The following CD38 variants were observed in gnomAD, a reference collection of about 807,000 sequenced individuals.
The protein encoded by CD38 is ADP-ribosyl cyclase/cyclic ADP-ribose hydrolase 1.
CD38 carries 31 observed loss-of-function variants against 36.3 expected under a neutral mutation model. The ratio of observed to expected loss-of-function variants is 0.85; its 90% CI spans 0.64 to 1.15. The LOEUF is 1.15. Ranked by LOEUF, CD38 falls within the 50% of genes most tolerant of loss-of-function variation. The pLI, the probability that CD38 is intolerant of heterozygous loss-of-function variation, is 0.00. For synonymous variants in CD38, 131 were observed against 135.2 expected (o/e 0.97, Z 0.22); for missense variants, 380 against 371.9 (o/e 1.02, Z -0.18).
In CD38 at chr4:15,848,929, C is replaced by T; in HGVS notation, c.*327C>T. On this transcript the variant is annotated 3_prime_UTR_variant, in exon 8 of 8. Coordinates refer to ENST00000226279, the MANE Select transcript of CD38 (RefSeq NM_001775.4). ...CATCCTTTCTATTGAAAAATCACCA[C>T]ACCAAACCTCTCTTATTAGAACAGG... The T allele has an allele frequency of 5.3e-6, 1 of 188,392 alleles. No individual in the cohort carries two copies. The highest frequency in any genetic ancestry group is 1.1e-5 in the Non-Finnish European group (1 of 91,510). The allele number at this position is 188,392 out of a possible 1,614,324, so 11.7% of individuals were successfully genotyped here.
At chr4:15,804,322 G>A (rs376769701) in intron 1 of CD38, among the ~76,000 whole-genome samples, 4 of 152,160 alleles carry the variant, frequency 2.6e-5, no homozygotes, top group African/African-American at 9.7e-5. Flanking sequence ...CACATTGTTG[G>A]TAGGAATGTA....
At chr4:15,836,150 G>T (rs1724065972) in intron 4 of CD38, among the ~76,000 whole-genome samples, 1 of 152,192 alleles carries the variant, frequency 6.6e-6, no homozygotes, top group African/African-American at 2.4e-5. Flanking sequence ...CTGAGACTTG[G>T]TAATTTTTTT....
rs1035959250 is a variant in CD38 at position 15,782,753 on chromosome 4, T to C, written c.233+4106T>C. ...TAGGTCCTTAGTATTTCTTTAGAGG[T>C]TGTAGCACTTTATCTTCCTCACTGT... On this transcript the variant is annotated intron_variant, in intron 1 of 7. Transcript: ENST00000226279. Among the ~76,000 whole-genome samples, 3 of 152,188 alleles carry C rather than the reference T, an allele frequency of 2.0e-5. No individual in the cohort carries two copies. The South Asian group carries it at 6.2e-4, about 32-fold the overall frequency.
intron 1 of CD38, among the ~76,000 whole-genome samples, chr4:15,799,751 C>T (rs1030883954): frequency 1.3e-5 from 2 of 152,186 alleles, no homozygotes; most frequent in South Asian, 2.1e-4. Context: ...TCCTCTTGGA[C>T]AAACACTGCC....
At chr4:15,785,469 T>G (rs1722794476) in intron 1 of CD38, among the ~76,000 whole-genome samples, 1 of 152,148 alleles carries the variant, frequency 6.6e-6, no homozygotes, top group Admixed American at 6.5e-5. Flanking sequence ...AACACACACT[T>G]GCTCCTTGTT....
intron 2 of CD38, among the ~76,000 whole-genome samples, chr4:15,823,325 G>A (rs1723779705): frequency 1.3e-5 from 2 of 152,168 alleles, no homozygotes; most frequent in East Asian, 1.9e-4. Flanking sequence ...TGACAAATGG[G>A]ATCTAATTAA....
In CD38 at chr4:15,848,558, T is replaced by A. The variant is rs765977739; in HGVS notation, c.859T>A (p.Cys287Ser). Reference sequence around the variant, plus strand: ...TCATAGACCTGACAAGTTTCTTCAGTGTGTGAAAAATCCTGAGGATTCATC... The same window carrying A: ...TCATAGACCTGACAAGTTTCTTCAGAGTGTGAAAAATCCTGAGGATTCATC... ...NIYRPDKFLQ[C>S]VKNPEDSSCT... Residue 287 changes from cysteine (C) to serine (S), a missense_variant, in exon 8 of 8, where the codon TGT becomes AGT. Coordinates refer to ENST00000226279, the MANE Select transcript of CD38 (RefSeq NM_001775.4). 1 of 1,613,846 alleles carries A rather than the reference T, an allele frequency of 6.2e-7. No individual in the cohort carries two copies. Among genetic ancestry groups the A allele is most frequent in the Admixed American group, 1.7e-5 (1 of 60,014 alleles).
intron 2 of CD38, 135 bp downstream of exon 2, chr4:15,816,775 T>A (rs754577514): frequency 1.0e-6 from 1 of 963,630 alleles, no homozygotes; most frequent in Admixed American, 1.8e-5. Flanking sequence ...TTGGTAGGAA[T>A]GGAATTTGCA....
At chr4:15,808,999 G>A (rs1425443030) in intron 1 of CD38, among the ~76,000 whole-genome samples, 1 of 152,176 alleles carries the variant, frequency 6.6e-6, no homozygotes, top group Non-Finnish European at 1.5e-5. Flanking sequence ...TTCTGGCTGG[G>A]ATATTCTAGT....
chr4:15,825,650 T>C (rs1723831007), intron 3 of CD38: 1 of 152,366 alleles, frequency 6.6e-6, no homozygotes, highest in Non-Finnish European at 1.5e-5. Flanking sequence ...GGATTGCCCA[T>C]GCTCCCTAAT....
intron 7 of CD38, among the ~76,000 whole-genome samples, chr4:15,840,810 T>C (rs759516396): frequency 1.3e-5 from 2 of 152,218 alleles, no homozygotes; most frequent in Admixed American, 1.3e-4. Context: ...CAACCTTTGA[T>C]GGCATATTTT....
intron 1 of CD38, among the ~76,000 whole-genome samples, chr4:15,790,509 G>A (rs1380925159): frequency 2.0e-5 from 3 of 152,182 alleles, no homozygotes; most frequent in East Asian, 1.9e-4. Flanking sequence ...GTGCAGTGGC[G>A]TGATCTCGGC....
intron 3 of CD38, 120 bp downstream of exon 3, chr4:15,825,136 A>G (rs1723821176): frequency 1.1e-6 from 1 of 876,454 alleles, no homozygotes; most frequent in Non-Finnish European, 1.7e-6. Context: ...TCCTGATGCC[A>G]TCTATACTTA....
At chr4:15,790,458 G>A (rs1293671661) in intron 1 of CD38, among the ~76,000 whole-genome samples, 4 of 151,998 alleles carry the variant, frequency 2.6e-5, no homozygotes, top group African/African-American at 9.7e-5. Flanking sequence ...GATTGCGGAC[G>A]GAGTCTCGTT....
intron 4 of CD38, among the ~76,000 whole-genome samples, chr4:15,835,808 G>A (rs954029470): frequency 1.3e-5 from 2 of 152,114 alleles, no homozygotes; most frequent in African/African-American, 4.8e-5. Flanking sequence ...CACTGCACCT[G>A]GCCAGGAATA....
rs1383447150 is a variant in CD38 at position 15,842,071 on chromosome 4, G to A, written c.839+1533G>A. ...GTGGAGCCCACCACAGCTCAAGGAG[G>A]CCTGCCTGCCTCTGTAGGCTCCACC... On this transcript the variant is annotated intron_variant, in intron 7 of 7. Transcript: ENST00000226279. Among the ~76,000 whole-genome samples the A allele has an allele frequency of 1.3e-4, 17 of 133,734 alleles. No homozygotes were observed. The East Asian group carries it at 2.9e-3, about 23-fold the overall frequency. The allele number at this position is 133,734 out of a possible 152,430, so 87.7% of individuals were successfully genotyped here.
At chr4:15,839,074 C>A (rs1724139940) in intron 5 of CD38, among the ~76,000 whole-genome samples, 1 of 152,106 alleles carries the variant, frequency 6.6e-6, no homozygotes, top group African/African-American at 2.4e-5. Context: ...TATTAATTTG[C>A]CTTATAAACT....
chr4:15,786,522 A>G (rs1722835658), intron 1 of CD38, among the ~76,000 whole-genome samples: 1 of 152,110 alleles, frequency 6.6e-6, no homozygotes, highest in East Asian at 1.9e-4. Context: ...TGGTGCATTT[A>G]CAAACCTTGA....
intron 1 of CD38, among the ~76,000 whole-genome samples, chr4:15,780,070 T>TTG (rs1200451913): frequency 6.6e-6 from 1 of 152,222 alleles, no homozygotes. Flanking sequence ...TTCACCTTAG[T>TTG]TGGGAGAAAC....
Sources: gnomAD v4.1 joint callset for allele counts (sites outside exome capture counted in the v4.1 genomes callset) on GRCh38, gnomAD v4.1.1 for gene constraint, MANE v1.5 for transcripts, NCBI Gene and HGNC (gene_info 2026-07-23, HGNC 2026-07-21) for gene names.